The following CDH12 variants were observed in gnomAD, a reference collection of about 807,000 sequenced individuals.
The protein encoded by CDH12 is cadherin-12.
A neutral mutation model predicts 74.1 loss-of-function variants in CDH12; 41 were observed. The observed-to-expected ratio is 0.55, with a 90% CI of 0.43 to 0.72. The LOEUF is 0.72. Among genes scored for constraint, CDH12 ranks in the 30% least tolerant of loss-of-function variants. The pLI is 0.00. For missense variants in CDH12, 945 were observed against 977.2 expected (o/e 0.97, Z 0.44); for synonymous variants, 399 against 355.0 (o/e 1.12, Z -1.39).
intron 1 of CDH12, among the ~76,000 whole-genome samples, chr5:22,549,667 T>C (rs936856997): frequency 3.3e-5 from 5 of 152,154 alleles, no homozygotes; most frequent in Non-Finnish European, 5.9e-5. Context: ...AAATTTCTAA[T>C]ATAGAGAAAT....
At chr5:22,128,125 T>A (rs1308561657) in intron 4 of CDH12, among the ~76,000 whole-genome samples, 1 of 152,210 alleles carries the variant, frequency 6.6e-6, no homozygotes, top group Non-Finnish European at 1.5e-5. Context: ...TTTATTAGTC[T>A]GATGCTAATG....
chr5:22,642,967 T>A (rs1309629256), intron 1 of CDH12, among the ~76,000 whole-genome samples: 1 of 152,172 alleles, frequency 6.6e-6, no homozygotes, highest in Non-Finnish European at 1.5e-5. Context: ...TTGGAATTTA[T>A]GTCCAGGATG....
chr5:22,507,067 C>T (rs1053752900), intron 1 of CDH12, among the ~76,000 whole-genome samples: 3 of 151,984 alleles, frequency 2.0e-5, no homozygotes, highest in African/African-American at 7.2e-5. Flanking sequence ...TAAGAAAGCC[C>T]ATGGACATTT....
intron 3 of CDH12, among the ~76,000 whole-genome samples, chr5:22,326,494 C>T (rs1421805335): frequency 6.6e-6 from 1 of 152,190 alleles, no homozygotes; most frequent in Non-Finnish European, 1.5e-5. Flanking sequence ...CTCGGCCTCC[C>T]AAAGTGCTGG....
At chr5:22,372,241 C>A (rs1446739577) in intron 3 of CDH12, among the ~76,000 whole-genome samples, 1 of 152,022 alleles carries the variant, frequency 6.6e-6, no homozygotes, top group Non-Finnish European at 1.5e-5. Flanking sequence ...GATATTGACA[C>A]ATTGGATAGA....
intron 10 of CDH12, among the ~76,000 whole-genome samples, chr5:21,793,297 T>C (rs1478886093): frequency 2.6e-5 from 4 of 151,776 alleles, no homozygotes; most frequent in Non-Finnish European, 5.9e-5. Flanking sequence ...AACAAACTAT[T>C]TTGTTTTGTT....
chr5:22,398,432 G>T (rs1742559485), intron 3 of CDH12, among the ~76,000 whole-genome samples: 1 of 152,242 alleles, frequency 6.6e-6, no homozygotes, highest in South Asian at 2.1e-4. Context: ...AAATAAGAGA[G>T]TTGGGTGTGA....
At chr5:22,284,292 C>T (rs1561282485) in intron 3 of CDH12, among the ~76,000 whole-genome samples, 2 of 152,126 alleles carry the variant, frequency 1.3e-5, no homozygotes, top group Non-Finnish European at 2.9e-5. Flanking sequence ...TAGGCTATCA[C>T]AGCAATATAC....
chr5:22,345,288 A>C (rs1740063380), intron 3 of CDH12, among the ~76,000 whole-genome samples: 1 of 152,180 alleles, frequency 6.6e-6, no homozygotes, highest in South Asian at 2.1e-4. Flanking sequence ...TTTTTTACAG[A>C]AAACACTGTT....
Position 22,529,740 on chromosome 5 carries a change from C to T in CDH12, c.-522-24376G>A, listed in dbSNP as rs1009284473. 2.6e-5 allele frequency among the ~76,000 whole-genome samples: 4 copies of T among 152,238 alleles called. No individual in the cohort carries two copies. The South Asian group carries it at 6.2e-4, about 24-fold the overall frequency. On this transcript the variant is annotated intron_variant, in intron 1 of 14. Transcript: ENST00000382254. ...CATCACAGTCCTCTTTAGACTGGGG[C>T]AAGGCATTAGAGACATTGGCTATCT...
intron 7 of CDH12, among the ~76,000 whole-genome samples, chr5:21,850,505 G>A (rs1312876590): frequency 6.6e-6 from 1 of 151,544 alleles, no homozygotes; most frequent in Non-Finnish European, 1.5e-5. Context: ...ATCATAAAGT[G>A]TTAGCTCAAA....
chr5:22,756,898 G>T (rs1159092434), intron 1 of CDH12, among the ~76,000 whole-genome samples: 1 of 151,498 alleles, frequency 6.6e-6, no homozygotes, highest in African/African-American at 2.4e-5. Flanking sequence ...GGCGGAGGTT[G>T]CAGAAAGCCA....
At chr5:22,149,108 C>T (rs574614317) in intron 4 of CDH12, among the ~76,000 whole-genome samples, 1 of 152,068 alleles carries the variant, frequency 6.6e-6, no homozygotes, top group Non-Finnish European at 1.5e-5. Flanking sequence ...ACAAGCAAGA[C>T]TCCGTCTCAA....
At chr5:22,585,551 A>G (rs1740352322) in intron 1 of CDH12, among the ~76,000 whole-genome samples, 1 of 151,998 alleles carries the variant, frequency 6.6e-6, no homozygotes, top group African/African-American at 2.4e-5. Context: ...ATCACATGTT[A>G]CATATTCTCA....
At chr5:22,310,214 A>C (rs1428130067) in intron 3 of CDH12, among the ~76,000 whole-genome samples, 1 of 152,046 alleles carries the variant, frequency 6.6e-6, no homozygotes, top group Non-Finnish European at 1.5e-5. Context: ...TATTCCCTGC[A>C]CTTTGGGAGG....
At chr5:22,392,423 G>T (rs1742285276) in intron 3 of CDH12, among the ~76,000 whole-genome samples, 1 of 152,070 alleles carries the variant, frequency 6.6e-6, no homozygotes, top group African/African-American at 2.4e-5. Flanking sequence ...GTAATTTTGT[G>T]ACTTTGGGCA....
At chr5:22,344,901 C>G (rs1305209226) in intron 3 of CDH12, among the ~76,000 whole-genome samples, 2 of 152,114 alleles carry the variant, frequency 1.3e-5, no homozygotes, top group Admixed American at 6.5e-5. Context: ...ATTTAACAAT[C>G]TCTTCATCTT....
At chr5:22,633,372 T>A (rs1210412224) in intron 1 of CDH12, among the ~76,000 whole-genome samples, 1 of 152,218 alleles carries the variant, frequency 6.6e-6, no homozygotes, top group Admixed American at 6.5e-5. Context: ...CTTCTCATAT[T>A]ATTTTAAAAT....
At chr5:22,282,698 C>A (rs994520866) in intron 3 of CDH12, among the ~76,000 whole-genome samples, 4 of 152,136 alleles carry the variant, frequency 2.6e-5, no homozygotes, top group African/African-American at 9.7e-5. Flanking sequence ...GAGATACAGT[C>A]TCACACCAGT....
Sources: gnomAD v4.1 joint callset for allele counts (sites outside exome capture counted in the v4.1 genomes callset) on GRCh38, gnomAD v4.1.1 for gene constraint, MANE v1.5 for transcripts, NCBI Gene and HGNC (gene_info 2026-07-23, HGNC 2026-07-21) for gene names.